Variants in PBRM1 observed in about 807,000 individuals in gnomAD.
The protein encoded by PBRM1 is protein polybromo-1.
In PBRM1, 27 loss-of-function variants were observed where a neutral mutation model predicts 194.5. The ratio of observed to expected loss-of-function variants is 0.14; its 90% confidence interval spans 0.10 to 0.19. The LOEUF is 0.19. Ranked by LOEUF, PBRM1 falls within the 10% of genes least tolerant of loss-of-function variation. The probability of loss-of-function intolerance (pLI) is 1.00; values close to 1 mark genes in which losing one functional copy is unlikely to be tolerated. For missense variants in PBRM1, 1,466 were observed against 2,077.2 expected (o/e 0.71, Z 5.72); for synonymous variants, 655 against 693.2 (o/e 0.94, Z 0.87).
At chr3:52,679,495 G>A (rs760943511) in intron 1 of PBRM1, 79 bp downstream of exon 2, 16 of 1,330,824 alleles carry the variant, frequency 1.2e-5, no homozygotes, top group Middle Eastern at 3.8e-4. Context: ...GCCTTGCATC[G>A]TAACAATTTT....
At chr3:52,546,882 A>G (rs1293706185), downstream of PBRM1, 2 of 233,132 alleles carry the variant, frequency 8.6e-6, no homozygotes, top group African/African-American at 4.4e-5. Flanking sequence ...AATTTAAAAA[A>G]TATTTTAGAA....
intron 25 of PBRM1, chr3:52,560,638 A>G (rs965526014): frequency 6.6e-6 from 1 of 152,234 alleles, no homozygotes; most frequent in African/African-American, 2.4e-5. Flanking sequence ...TGGGCCTGAC[A>G]ACACACATAC....
rs756223018 is a variant in PBRM1, at chr3:52,627,260, G to A, written c.1541+13C>T. ...GGAACTGAGATGTCCCCAGCTATAA[G>A]AAGAGTATATACCTTTTTCTTTTGG... is the stretch of plus-strand genomic sequence containing the variant. On this transcript the variant is annotated intron_variant, in intron 13 of 29. Transcript: ENST00000296302. The A allele has an allele frequency of 1.9e-5, 28 of 1,455,950 alleles. No individual in the cohort carries two copies. Among genetic ancestry groups the A allele is most frequent in the Admixed American group, 1.4e-4 (8 of 59,020 alleles). The allele number at this position is 1,455,950 out of a possible 1,614,324, so 90.2% of individuals were successfully genotyped here.
intron 17 of PBRM1, among the ~76,000 whole-genome samples, chr3:52,592,958 G>A (rs1475591703): frequency 2.6e-5 from 4 of 152,214 alleles, no homozygotes; most frequent in African/African-American, 4.8e-5. Flanking sequence ...GGTGTTCATA[G>A]TAGTATCTGC....
exon 30 of PBRM1, chr3:52,548,051 G>T: frequency 6.2e-7 from 1 of 1,600,296 alleles, no homozygotes; most frequent in Non-Finnish European, 8.5e-7. Context: ...TAAAAGAAAC[G>T]TAATGATGTG....
rs80314598 is a variant in PBRM1, at chr3:52,586,729, G to A, written c.3124-41C>T. On this transcript the variant is annotated intron_variant, in intron 19 of 29. Coordinates refer to ENST00000296302, the Ensembl canonical transcript of PBRM1. ...GGCATAAGAATAAAACTAGTTAGGTGAATTTTCTGAAAATCAATCAAAAAA... is the reference window on the plus strand; with the variant it reads ...GGCATAAGAATAAAACTAGTTAGGTAAATTTTCTGAAAATCAATCAAAAAA... The A allele has an allele frequency of 0.043, 16,966 of 390,106 alleles. 403 individuals carry two copies. The highest frequency in any genetic ancestry group is 0.16 in the African/African-American group (5,211 of 32,480). 24.2% of individuals were successfully genotyped at this position (390,106 alleles called of 1,614,324 possible).
At chr3:52,611,098 A>G (rs1019603281) in intron 15 of PBRM1, among the ~76,000 whole-genome samples, 3 of 152,256 alleles carry the variant, frequency 2.0e-5, no homozygotes, top group Non-Finnish European at 4.4e-5. Context: ...GAAGGATGTT[A>G]GTAAACCAAT....
chr3:52,560,871 A>G (rs1281170619), intron 25 of PBRM1, among the ~76,000 whole-genome samples: 1 of 152,156 alleles, frequency 6.6e-6, no homozygotes, highest in Non-Finnish European at 1.5e-5. Context: ...ATTTTAATAA[A>G]AGGGGCAGCC....
At chr3:52,655,179 A>C (rs1200416840) in intron 5 of PBRM1, among the ~76,000 whole-genome samples, 1 of 151,996 alleles carries the variant, frequency 6.6e-6, no homozygotes, top group African/African-American at 2.4e-5. Flanking sequence ...ACTGACATCC[A>C]CCTCCAGAAC....
chr3:52,600,550 T>G (rs570301305), intron 17 of PBRM1, among the ~76,000 whole-genome samples: 1 of 152,372 alleles, frequency 6.6e-6, no homozygotes, highest in East Asian at 1.9e-4. Flanking sequence ...GATAAAGTTC[T>G]CATTCATATC....
chr3:52,577,210 C>T (rs2089880062), intron 21 of PBRM1, among the ~76,000 whole-genome samples: 1 of 152,128 alleles, frequency 6.6e-6, no homozygotes, highest in African/African-American at 2.4e-5. Context: ...GTGGGCGAAT[C>T]ACGTGAGCTC....
chr3:52,581,529 T>C (rs1576050430), intron 20 of PBRM1, among the ~76,000 whole-genome samples: 1 of 148,252 alleles, frequency 6.7e-6, no homozygotes, highest in Admixed American at 6.7e-5. Context: ...ATCAGAGAGG[T>C]TCCATATACA....
intron 3 of PBRM1, among the ~76,000 whole-genome samples, chr3:52,664,420 A>AAAAG (rs2096788031): frequency 6.6e-6 from 1 of 150,738 alleles, no homozygotes; most frequent in Non-Finnish European, 1.5e-5. Context: ...CTGAAAAAAA[A>AAAAG]AAAAAAAAAA....
chr3:52,586,504 T>C (rs2153767326), exon 20 of PBRM1: 1 of 1,614,036 alleles, frequency 6.2e-7, no homozygotes, highest in Non-Finnish European at 8.5e-7. Flanking sequence ...TTTATCTGCA[T>C]TTGCAAATAC....
intron 20 of PBRM1, among the ~76,000 whole-genome samples, chr3:52,584,450 CTT>C (rs397989611): frequency 4.3e-4 from 26 of 60,748 alleles, no homozygotes; most frequent in African/African-American, 1.8e-3. Flanking sequence ...AGTATTCTTG[CTT>C]TTTTTTTTTT....
At chr3:52,579,140 C>T (rs1380611087) in exon 21 of PBRM1, 34 of 1,613,790 alleles carry the variant, frequency 2.1e-5, no homozygotes, top group Non-Finnish European at 2.8e-5. Context: ...AATGGAGCTG[C>T]TCAAAGTAGT....
At chr3:52,638,487 C>A (rs2095916764) in intron 10 of PBRM1, among the ~76,000 whole-genome samples, 1 of 151,294 alleles carries the variant, frequency 6.6e-6, no homozygotes, top group Non-Finnish European at 1.5e-5. Context: ...GCCTCCTGAG[C>A]AGCTGGGATT....
At chr3:52,577,458 T>C (rs1232137901) in intron 21 of PBRM1, among the ~76,000 whole-genome samples, 2 of 118,436 alleles carry the variant, frequency 1.7e-5, no homozygotes, top group Non-Finnish European at 3.5e-5. Context: ...AAAAAAAAAA[T>C]CTAGTGCCCC....
intron 11 of PBRM1, among the ~76,000 whole-genome samples, chr3:52,630,513 A>G (rs2095584049): frequency 6.6e-6 from 1 of 152,224 alleles, no homozygotes; most frequent in Non-Finnish European, 1.5e-5. Flanking sequence ...AATATTGATA[A>G]TAAAACATTT....
Sources: allele counts gnomAD v4.1 joint callset (sites outside exome capture counted in the v4.1 genomes callset), GRCh38; gene constraint gnomAD v4.1.1; transcripts MANE v1.5; gene names NCBI Gene and HGNC (gene_info 2026-07-23, HGNC 2026-07-21).